The following ST3GAL1 variants were observed in gnomAD, a reference collection of about 807,000 sequenced individuals.
The protein encoded by ST3GAL1 is CMP-N-acetylneuraminate-beta-galactosamide-alpha-2,3-sialyltransferase 1.
Under a neutral mutation model 34.1 loss-of-function variants are expected in ST3GAL1, and 16 were observed. The ratio of observed to expected loss-of-function variants is 0.47; its 90% CI spans 0.32 to 0.71. ST3GAL1 has a LOEUF of 0.71. Among genes scored for constraint, ST3GAL1 ranks in the 30% least tolerant of loss-of-function variants. The pLI, the probability that ST3GAL1 is intolerant of heterozygous loss-of-function variation, is 0.04. For missense variants in ST3GAL1, 353 were observed against 447.4 expected (o/e 0.79, Z 1.90); for synonymous variants, 191 against 184.7 (o/e 1.03, Z -0.28).
rs114601937 is a variant in ST3GAL1 at position 133,536,408 on chromosome 8, C to G, written c.-429+9366G>C. On this transcript the variant is annotated intron_variant, in intron 2 of 9. Transcript: ENST00000522652. ...GGGCATGACTAGAATAAAAATTAGT[C>G]TTTTGAGAAGGGATCAATCTGTAGG... Among the ~76,000 whole-genome samples, 317 of 152,282 alleles carry G rather than the reference C, an allele frequency of 2.1e-3. 1 individual carries two copies. Among genetic ancestry groups the G allele is most frequent in the African/African-American group, 7.4e-3 (306 of 41,550 alleles).
At chr8:133,495,268 C>G (rs1212817827) in intron 3 of ST3GAL1, among the ~76,000 whole-genome samples, 1 of 152,146 alleles carries the variant, frequency 6.6e-6, no homozygotes, top group Admixed American at 6.5e-5. Context: ...ATACTTAATA[C>G]ATAGCTGAAA....
At chr8:133,535,168 G>T (rs886422307) in intron 2 of ST3GAL1, among the ~76,000 whole-genome samples, 3 of 152,340 alleles carry the variant, frequency 2.0e-5, no homozygotes, top group African/African-American at 7.2e-5. Flanking sequence ...AAGAGCACAT[G>T]CAAACCTCAC....
At chr8:133,527,391 G>T (rs1450010507) in intron 2 of ST3GAL1, among the ~76,000 whole-genome samples, 1 of 152,154 alleles carries the variant, frequency 6.6e-6, no homozygotes, top group African/African-American at 2.4e-5. Context: ...GTGGTGGGGT[G>T]AGAAGTGTCC....
Position 133,475,898 on chromosome 8 carries a change from C to A in ST3GAL1, c.127G>T (p.Val43Phe), listed in dbSNP as rs1360095717. Residue 43 changes from valine (V) to phenylalanine (F), a missense_variant, in exon 5 of 10, where the codon GTC (valine) becomes TTC (phenylalanine). Coordinates refer to ENST00000522652, the MANE Select transcript of ST3GAL1 (RefSeq NM_173344.3). The part of the protein sequence containing the change: ...VATTWFPKQM[V>F]LELSENLKRL... ...TTCAGGTTCTCGGAGAGCTCCAGGA[C>A]CATCTGCTTGGGGAACCAGGTGGTG... is the stretch of plus-strand genomic sequence containing the variant. 6.2e-7 allele frequency: 1 copy of A among 1,614,024 alleles called. No individual in the cohort carries two copies.
chr8:133,554,893 A>G (rs1818963692), intron 1 of ST3GAL1, among the ~76,000 whole-genome samples: 1 of 151,426 alleles, frequency 6.6e-6, no homozygotes, highest in South Asian at 2.1e-4. Context: ...CACTCAGCTA[A>G]TATTTTTGTA....
intron 2 of ST3GAL1, among the ~76,000 whole-genome samples, chr8:133,527,480 G>A (rs1472413040): frequency 6.6e-6 from 1 of 152,158 alleles, no homozygotes; most frequent in Non-Finnish European, 1.5e-5. Context: ...AAGGAGCCTG[G>A]AATCAGATTG....
intron 2 of ST3GAL1, among the ~76,000 whole-genome samples, chr8:133,544,999 A>G (rs1226227656): frequency 6.6e-6 from 1 of 152,216 alleles, no homozygotes; most frequent in Non-Finnish European, 1.5e-5. Flanking sequence ...ATTTTTCCCA[A>G]GCTAACTCTG....
At chr8:133,528,547 T>A (rs1469303983) in intron 2 of ST3GAL1, among the ~76,000 whole-genome samples, 3 of 152,218 alleles carry the variant, frequency 2.0e-5, no homozygotes, top group African/African-American at 7.2e-5. Context: ...CTACACTGAG[T>A]CAAGACCAGG....
At chr8:133,494,524 C>G (rs190598955) in intron 3 of ST3GAL1, among the ~76,000 whole-genome samples, 1 of 152,324 alleles carries the variant, frequency 6.6e-6, no homozygotes, top group African/African-American at 2.4e-5. Context: ...AAATCCCAGA[C>G]CTTGCAGCCT....
chr8:133,470,210 A>G (rs1381003447), intron 5 of ST3GAL1, among the ~76,000 whole-genome samples: 1 of 152,218 alleles, frequency 6.6e-6, no homozygotes, highest in Admixed American at 6.5e-5. Context: ...ACCTGTGGTC[A>G]GGAGTTTGAG....
chr8:133,498,352 GGTGGGGGT>G (rs1206406942), intron 3 of ST3GAL1, among the ~76,000 whole-genome samples: 4 of 152,244 alleles, frequency 2.6e-5, no homozygotes, highest in African/African-American at 4.8e-5. Context: ...CCTCCCAAGA[GGTGGGGGT>G]GTGGTTGTTT....
chr8:133,500,795 T>C (rs1005548149), intron 2 of ST3GAL1, among the ~76,000 whole-genome samples: 18 of 152,220 alleles, frequency 1.2e-4, no homozygotes, highest in Admixed American at 9.2e-4. Flanking sequence ...ATCATCTTCA[T>C]CATCATCATC....
At position 133,459,917 on chromosome 8, in the gene ST3GAL1, C is replaced by T; in HGVS notation, c.870G>A (p.Gly290=). 6.2e-7 allele frequency: 1 copy of T among 1,613,064 alleles called. No homozygotes were observed. The highest frequency in any genetic ancestry group is 8.5e-7 in the Non-Finnish European group (1 of 1,179,478). Residue 290 remains glycine, a synonymous_variant, in exon 10 of 10, where the codon GGG becomes GGA. Transcript: ENST00000522652. This position sits in a 1 kb window ranked among gnomAD's most constrained non-coding sequence, Gnocchi z 4.7. ...GGTGCCAGTTCCCTTTGCTGTCTGC[C>T]CCGAAGCCGTACAAGTCCACCTGTG... is the stretch of plus-strand genomic sequence containing the variant. ...VCDEVDLYGF[G]ADSKGNWHHY...
At position 133,488,898 on chromosome 8, in the gene ST3GAL1, C is replaced by G. The variant is rs550993956; in HGVS notation, c.-374+10237G>C. Among the ~76,000 whole-genome samples, 6 of 152,238 alleles carry G rather than the reference C, an allele frequency of 3.9e-5. No individual in the cohort carries two copies. In the South Asian group the frequency reaches 1.2e-3, roughly 32 times the overall value. On this transcript the variant is annotated intron_variant, in intron 3 of 9. Coordinates refer to ENST00000522652, the MANE Select transcript of ST3GAL1 (RefSeq NM_173344.3). ...GGGCCAGGCAAGGTCTGGTGGCCCC[C>G]CTAAAGTCTGGACAACCTCCTGGGA...
chr8:133,476,285 G>A lies in ST3GAL1; in HGVS notation c.-58C>T. 2.5e-6 allele frequency: 1 copy of A among 396,612 alleles called. No homozygotes were observed. The highest frequency in any genetic ancestry group is 4.5e-6 in the Non-Finnish European group (1 of 222,216). 24.6% of individuals were successfully genotyped at this position (396,612 alleles called of 1,614,324 possible). On this transcript the variant is annotated 5_prime_UTR_variant, in exon 4 of 10. Transcript: ENST00000522652. ...TTGCTTGCATATATTTACCTTTTCAGAAAATAAAGTAGCCTATTCTTCTGC... is the reference window on the plus strand; with the variant it reads ...TTGCTTGCATATATTTACCTTTTCAAAAAATAAAGTAGCCTATTCTTCTGC...
In ST3GAL1 at chr8:133,513,899, G is replaced by GA. The variant is rs768065676; in HGVS notation, c.-428-14711dup. ...GGGTAACAGAGCAAGACTCTGTCTG[G>GA]AAAAAAAAAAAAAGAAAAGAAAAAA... is the stretch of plus-strand genomic sequence containing the variant. On this transcript the variant is annotated intron_variant, in intron 2 of 9. Coordinates refer to ENST00000522652, the MANE Select transcript of ST3GAL1 (RefSeq NM_173344.3). 3.1e-3 allele frequency among the ~76,000 whole-genome samples: 422 copies of GA among 136,940 alleles called. 2 individuals are homozygous for GA. Among genetic ancestry groups the GA allele is most frequent in the African/African-American group, 5.4e-3 (203 of 37,342 alleles). 89.8% of individuals were successfully genotyped at this position (136,940 alleles called of 152,430 possible).
intron 2 of ST3GAL1, among the ~76,000 whole-genome samples, chr8:133,530,243 G>C (rs937651805): frequency 4.6e-5 from 7 of 152,094 alleles, no homozygotes; most frequent in African/African-American, 1.4e-4. Context: ...CAGAGGACAA[G>C]GAGCCAGTGT....
chr8:133,458,055 G>A lies in ST3GAL1; in HGVS notation c.*1709C>T, dbSNP rs1815365840. 6.6e-6 allele frequency: 1 copy of A among 152,260 alleles called. No homozygotes were observed. The highest frequency in any genetic ancestry group is 1.9e-4 in the East Asian group (1 of 5,196). 9.4% of individuals were successfully genotyped at this position (152,260 alleles called of 1,614,324 possible). On this transcript the variant is annotated 3_prime_UTR_variant, in exon 10 of 10. Coordinates refer to ENST00000522652, the MANE Select transcript of ST3GAL1 (RefSeq NM_173344.3). ...CAATAAGGTTTCACGGAGTTTTGGA[G>A]ACTCCTAGCCTGAGAATAAATCCAA... is the stretch of plus-strand genomic sequence containing the variant.
rs770193923 is a variant in ST3GAL1, at chr8:133,461,852, TG to T, written c.849+22del. ...GACGGTGAGCTTCGAGGCAGCCCTGTGGGCAGGGGGAGGGTGGCATACCTCA... is the reference window on the plus strand; with the variant it reads ...GACGGTGAGCTTCGAGGCAGCCCTGTGGCAGGGGGAGGGTGGCATACCTCA... On this transcript the variant is annotated intron_variant, in intron 9 of 9. Transcript: ENST00000522652. The surrounding 1 kb of genome is among the most constrained non-coding windows in gnomAD (Gnocchi z 4.7). 28 of 1,613,568 alleles carry T rather than the reference TG, an allele frequency of 1.7e-5. No homozygotes were observed. The highest frequency in any genetic ancestry group is 2.4e-5 in the Non-Finnish European group (28 of 1,179,774).
Sources: gnomAD v4.1 joint callset for allele counts (sites outside exome capture counted in the v4.1 genomes callset) on GRCh38, gnomAD v4.1.1 for gene constraint, Gnocchi (gnomAD v3.1) non-coding constraint, MANE v1.5 for transcripts, NCBI Gene and HGNC (gene_info 2026-07-23, HGNC 2026-07-21) for gene names.